Variants in SOX5 observed in about 807,000 individuals in gnomAD.
The protein encoded by SOX5 is transcription factor SOX-5.
In SOX5, 9 loss-of-function variants were observed where a neutral mutation model predicts 92.0. That is an observed-to-expected ratio of 0.10 (90% confidence interval 0.06 to 0.17). SOX5 has a LOEUF of 0.17. SOX5 is among the 10% of genes least tolerant of loss of function. The pLI, the probability that SOX5 is intolerant of heterozygous loss-of-function variation, is 1.00. For missense variants in SOX5, 642 were observed against 944.5 expected, an observed-to-expected ratio of 0.68 and a Z score of 4.20; for synonymous variants, 344 against 336.3, an observed-to-expected ratio of 1.02 and a Z score of -0.25.
At chr12:23,710,899 C>T (rs1315985271) in intron 6 of SOX5, among the ~76,000 whole-genome samples, 1 of 152,102 alleles carries the variant, frequency 6.6e-6, no homozygotes, top group Non-Finnish European at 1.5e-5. Flanking sequence ...CTCTCCAGCA[C>T]CTGTTGTTTC....
chr12:24,410,233 A>T (rs933423258), intron 1 of SOX5, among the ~76,000 whole-genome samples: 1 of 152,100 alleles, frequency 6.6e-6, no homozygotes, highest in Admixed American at 6.6e-5. Context: ...CCTGAGTTCA[A>T]TTGATCCGCT....
At chr12:24,054,931 G>A (rs1456208513) in intron 4 of SOX5, among the ~76,000 whole-genome samples, 3 of 152,070 alleles carry the variant, frequency 2.0e-5, no homozygotes, top group Admixed American at 6.6e-5. Context: ...GGAGTGAGGC[G>A]CGTGGAAACT....
At chr12:24,094,454 C>CTTTTTTTTTT (rs5797062) in intron 4 of SOX5, among the ~76,000 whole-genome samples, 11 of 127,724 alleles carry the variant, frequency 8.6e-5, no homozygotes, top group Non-Finnish European at 9.9e-5. Flanking sequence ...CTATTAGTGG[C>CTTTTTTTTTT]TTTTTTTTTT....
chr12:24,485,163 T>C (rs929667913), intron 1 of SOX5, among the ~76,000 whole-genome samples: 7 of 152,134 alleles, frequency 4.6e-5, no homozygotes, highest in African/African-American at 1.7e-4. Context: ...ACTAAGAATA[T>C]ATCACAGCAG....
rs555526663 is a variant in SOX5, at chr12:23,629,569, A to C, written c.1017+11243T>G. Among the ~76,000 whole-genome samples the C allele has an allele frequency of 4.6e-5, 7 of 152,176 alleles. No individual in the cohort carries two copies. The South Asian group carries it at 1.4e-3, about 31-fold the overall frequency. On this transcript the variant is annotated intron_variant, in intron 8 of 14. Coordinates refer to ENST00000451604, the MANE Select transcript of SOX5 (RefSeq NM_006940.6). ...CAAACAATTTTAACCAGTGGAACTTAATATATAAAACAAATAAAAGTCAAT... is the reference window on the plus strand; with the variant it reads ...CAAACAATTTTAACCAGTGGAACTTCATATATAAAACAAATAAAAGTCAAT...
chr12:23,966,621 T>C (rs1947618086), intron 4 of SOX5, among the ~76,000 whole-genome samples: 1 of 151,898 alleles, frequency 6.6e-6, no homozygotes, highest in African/African-American at 2.4e-5. Flanking sequence ...AGTGATATAA[T>C]GAATAAACAC....
chr12:23,912,858 C>T (rs1003122048), intron 1 of SOX5, among the ~76,000 whole-genome samples: 20 of 151,996 alleles, frequency 1.3e-4, no homozygotes, highest in Admixed American at 1.1e-3. Context: ...AAATGGGGAA[C>T]GACTGCTAAT....
At chr12:23,958,194 C>T (rs774792771) in intron 4 of SOX5, among the ~76,000 whole-genome samples, 9 of 152,028 alleles carry the variant, frequency 5.9e-5, no homozygotes, top group Non-Finnish European at 8.8e-5. Flanking sequence ...ACTCAGTTTT[C>T]ATAACTGGGC....
intron 1 of SOX5, among the ~76,000 whole-genome samples, chr12:24,391,202 T>C (rs933063508): frequency 7.9e-5 from 12 of 152,194 alleles, no homozygotes; most frequent in African/African-American, 2.9e-4. Context: ...TTCATGTTTG[T>C]TGGCTGCTTG....
At chr12:24,369,050 G>C (rs1048758750) in intron 1 of SOX5, among the ~76,000 whole-genome samples, 8 of 152,242 alleles carry the variant, frequency 5.3e-5, no homozygotes, top group African/African-American at 1.9e-4. Context: ...GGTAACTGTA[G>C]TGTCTTTCTA....
In SOX5 at chr12:23,806,972, T is replaced by A. The variant is rs554913219; in HGVS notation, c.481+39011A>T. Among the ~76,000 whole-genome samples, 5 of 152,316 alleles carry A rather than the reference T, an allele frequency of 3.3e-5. 1 individual carries two copies. The South Asian group carries it at 6.2e-4, about 19-fold the overall frequency. ...TCCCTTTCAGCATGATTTCTAACCT[T>A]TTCTCCACTTTCAGATATCTACCCA... On this transcript the variant is annotated intron_variant, in intron 3 of 14. Transcript: ENST00000451604.
At chr12:23,993,269 T>C (rs1950728239) in intron 4 of SOX5, among the ~76,000 whole-genome samples, 1 of 152,200 alleles carries the variant, frequency 6.6e-6, no homozygotes, top group African/African-American at 2.4e-5. Context: ...ATATTCCAAA[T>C]TACTTATTTT....
chr12:24,301,101 C>T (rs892404454), intron 2 of SOX5, among the ~76,000 whole-genome samples: 9 of 152,172 alleles, frequency 5.9e-5, no homozygotes, highest in African/African-American at 1.4e-4. Flanking sequence ...CCTTCTGCCA[C>T]GCGGAAGACC....
intron 4 of SOX5, among the ~76,000 whole-genome samples, chr12:24,046,531 C>T (rs910025322): frequency 2.0e-5 from 3 of 151,948 alleles, no homozygotes; most frequent in African/African-American, 7.3e-5. Flanking sequence ...TCAAATATTC[C>T]TCTTTGGTTT....
At chr12:24,428,757 A>AAAAAAAAAAAAAAAAAAAAAAAAAAAC (rs1967049316) in intron 1 of SOX5, among the ~76,000 whole-genome samples, 1 of 133,280 alleles carries the variant, frequency 7.5e-6, no homozygotes, top group Non-Finnish European at 1.6e-5. Flanking sequence ...AAAAAAAAAA[A>AAAAAAAAAAAAAAAAAAAAAAAAAAAC]AAGCTAATTT....
chr12:24,151,623 G>A (rs531810819), intron 4 of SOX5, among the ~76,000 whole-genome samples: 3 of 151,882 alleles, frequency 2.0e-5, no homozygotes, highest in East Asian at 1.9e-4. Flanking sequence ...AGCAGTGTCC[G>A]CAGGGAATCA....
At chr12:24,514,509 A>G (rs1190153290) in intron 1 of SOX5, among the ~76,000 whole-genome samples, 1 of 152,218 alleles carries the variant, frequency 6.6e-6, no homozygotes, top group Non-Finnish European at 1.5e-5. Flanking sequence ...TGATGGCATA[A>G]GGAAAGACTA....
chr12:23,759,010 A>AACACACAC lies in SOX5; in HGVS notation c.482-3294_482-3287dup, dbSNP rs761303900. The stretch of plus-strand genomic sequence containing the variant: ...GTGTTATTCTGTTATGGCAACACAA[A>AACACACAC]ACACACACACACACACACAGACACA... On this transcript the variant is annotated intron_variant, in intron 3 of 14. Transcript: ENST00000451604. 4.6e-3 allele frequency among the ~76,000 whole-genome samples: 499 copies of AACACACAC among 108,436 alleles called. 3 individuals carry two copies. The highest frequency in any genetic ancestry group is 0.036 in the South Asian group (97 of 2,660). 71.1% of individuals were successfully genotyped at this position (108,436 alleles called of 152,430 possible).
chr12:24,098,156 A>C (rs1400804646), intron 4 of SOX5, among the ~76,000 whole-genome samples: 1 of 152,078 alleles, frequency 6.6e-6, no homozygotes, highest in Non-Finnish European at 1.5e-5. Context: ...TGAGTTTTCT[A>C]AGTCATTGTG....
Sources: gnomAD v4.1 joint callset for allele counts (sites outside exome capture counted in the v4.1 genomes callset) on GRCh38, gnomAD v4.1.1 for gene constraint, MANE v1.5 for transcripts, NCBI Gene and HGNC (gene_info 2026-07-23, HGNC 2026-07-21) for gene names.